The following RBMX variants were observed in gnomAD, a reference collection of about 807,000 sequenced individuals.
RBMX encodes RNA binding motif protein X-linked, also known as RNA-binding motif protein, X chromosome.
RBMX carries 1 observed loss-of-function variant against 29.3 expected under a neutral mutation model. The observed-to-expected ratio is 0.03, with a 90% confidence interval of 0.01 to 0.16. The LOEUF is 0.16. Among genes scored for constraint, RBMX ranks in the 10% least tolerant of loss-of-function variants. The pLI, the probability that RBMX is intolerant of heterozygous loss-of-function variation, is 1.00. For synonymous variants in RBMX, 102 were observed against 102.3 expected (o/e 1.00, Z 0.02); for missense variants, 121 against 333.2 (o/e 0.36, Z 4.96).
At chrX:136,871,236 G>A (rs2077682470), downstream of RBMX, among the ~76,000 whole-genome samples, 2 of 109,223 alleles carry the variant, frequency 1.8e-5, no homozygotes, top group African/African-American at 3.3e-5. Context: ...ACAAGGTCAG[G>A]AGATCGAGAC....
At position 136,876,447 on chromosome X, in the gene RBMX, C is replaced by T. The variant is rs935761670; in HGVS notation, c.541+56G>A. On this transcript the variant is annotated intron_variant, in intron 5 of 8. Transcript: ENST00000320676. ...AATTAAAATTTTAAGCATCATTCAC[C>T]TCTCAATTCTTTGTGTTACGGTAGT... 2.2e-5 allele frequency: 24 copies of T among 1,093,738 alleles called. No homozygotes were observed. In the East Asian group the frequency reaches 6.4e-4, roughly 29 times the overall value. The allele number at this position is 1,093,738 out of a possible 1,213,427, so 90.1% of individuals were successfully genotyped here.
At chrX:136,871,808 GGT>G (rs1481773070), downstream of RBMX, among the ~76,000 whole-genome samples, 4 of 89,024 alleles carry the variant, frequency 4.5e-5, no homozygotes, top group East Asian at 7.0e-4. Flanking sequence ...CACCACGCCC[GGT>G]GTTTTTTTTT....
chrX:136,878,021 A>C lies in RBMX; in HGVS notation c.282T>G (p.Arg94=). ...ATKPSFESGR[R]GPPPPPRSRG... Reference sequence around the variant, plus strand: ...TACTTCTTGGAGGTGGAGGCGGTCCACGTCTACCACTTTCAAATGATGGTT... The same window carrying C: ...TACTTCTTGGAGGTGGAGGCGGTCCCCGTCTACCACTTTCAAATGATGGTT... Residue 94 remains arginine, a synonymous_variant, in exon 4 of 9, where the codon CGT becomes CGG. Transcript: ENST00000320676. 1.7e-6 allele frequency: 2 copies of C among 1,209,534 alleles called. No individual in the cohort carries two copies. Among genetic ancestry groups the C allele is most frequent in the Non-Finnish European group, 2.2e-6 (2 of 894,180 alleles).
rs767630820 is a variant in RBMX at position 136,874,238 on chromosome X, TGGA to T, written c.1077_1079del (p.Pro360del). The T allele has an allele frequency of 9.9e-6, 12 of 1,212,433 alleles. No individual in the cohort carries two copies. The highest frequency in any genetic ancestry group is 5.9e-5 in the East Asian group (2 of 33,824). On this transcript the variant is annotated inframe_deletion, in exon 9 of 9. Coordinates refer to ENST00000320676, the MANE Select transcript of RBMX (RefSeq NM_002139.4). Reference sequence around the variant, plus strand: ...GGCTTGAACTGCTGTAGGAATCACGTGGAGGAGGGTACCCCCTTTCCATAGAAG... The same window carrying T: ...GGCTTGAACTGCTGTAGGAATCACGTGGAGGGTACCCCCTTTCCATAGAAG...
chrX:136,871,237 A>G (rs1009240369), downstream of RBMX, among the ~76,000 whole-genome samples: 3 of 109,461 alleles, frequency 2.7e-5, no homozygotes, highest in African/African-American at 1.0e-4. Flanking sequence ...CAAGGTCAGG[A>G]GATCGAGACC....
At position 136,876,597 on chromosome X, in the gene RBMX, T is replaced by A. The variant is rs189140023; in HGVS notation, c.447A>T (p.Val149=). ...NMSSSRGPLP[V]KRGPPPRSGG... ...CACTTCTTGGTGGTGGTCCTCTTTT[T>A]ACTGGGAGTGGTCCCCTGGAAGAAC... Residue 149 remains valine (V), a synonymous_variant, in exon 5 of 9, where the codon GTA becomes GTT. Transcript: ENST00000320676. 1 of 1,206,456 alleles carries A rather than the reference T, an allele frequency of 8.3e-7. No individual in the cohort carries two copies. The highest frequency in any genetic ancestry group is 1.1e-6 in the Non-Finnish European group (1 of 893,443).
chrX:136,873,602 T>C lies in RBMX; in HGVS notation c.*540A>G. The C allele has an allele frequency of 1.3e-6, 1 of 755,558 alleles. No homozygotes were observed. 62.3% of individuals were successfully genotyped at this position (755,558 alleles called of 1,213,427 possible). A position where few individuals can be genotyped will look rare whatever the true frequency, so the allele number is the denominator to read the frequency against. ...AAGGCAAAATGGCCAGCATTATCCA[T>C]TTGCTTTTTTGGGTTTACTGGGTGA... is the stretch of plus-strand genomic sequence containing the variant. On this transcript the variant is annotated 3_prime_UTR_variant, in exon 9 of 9. Transcript: ENST00000320676.
At chrX:136,877,333 C>A (rs1227820159) in intron 4 of RBMX, among the ~76,000 whole-genome samples, 4 of 80,062 alleles carry the variant, frequency 5.0e-5, no homozygotes, top group Non-Finnish European at 7.7e-5. Flanking sequence ...ACTCTACCCC[C>A]CCCCCCCCAA....
intron 4 of RBMX, among the ~76,000 whole-genome samples, 200 bp from the exon 5 acceptor site, chrX:136,876,855 G>C (rs765062664): frequency 4.8e-5 from 5 of 104,901 alleles, no homozygotes; most frequent in African/African-American, 1.7e-4. Context: ...TTACAGGTGT[G>C]CGCCACCACA....
At chrX:136,871,811 G>GTTTTTTT (rs750533072), downstream of RBMX, among the ~76,000 whole-genome samples, 2 of 74,940 alleles carry the variant, frequency 2.7e-5, no homozygotes, top group Non-Finnish European at 2.6e-5. Context: ...CACGCCCGGT[G>GTTTTTTT]TTTTTTTTTT....
chrX:136,879,597 CCACAGT>C, intron 1 of RBMX, 144 bp from the exon 2 acceptor site: 1 of 523,802 alleles, frequency 1.9e-6, no homozygotes, highest in East Asian at 3.7e-5. Flanking sequence ...TAAGCCTCAG[CCACAGT>C]AGGAAGCAAT....
intron 4 of RBMX, 66 bp downstream of exon 4, chrX:136,877,849 T>A: frequency 6.7e-6 from 7 of 1,037,734 alleles, no homozygotes; most frequent in Non-Finnish European, 8.9e-6. Context: ...AACCAAAGCA[T>A]CCACTTGGTG....
downstream of RBMX, chrX:136,869,917 G>A (rs1464011890): frequency 1.8e-5 from 2 of 111,951 alleles, no homozygotes; most frequent in Non-Finnish European, 3.8e-5. Context: ...ATTGTTTCCA[G>A]TGTGCTTGCC....
intron 5 of RBMX, among the ~76,000 whole-genome samples, 159 bp downstream of exon 5, chrX:136,876,344 G>A (rs1569440157): frequency 9.1e-6 from 1 of 110,006 alleles, no homozygotes; most frequent in Non-Finnish European, 1.9e-5. Context: ...GGATGGTCTT[G>A]ATCTCTTGAC....
rs2148710863 is a variant in RBMX at position 136,875,466 on chromosome X, A to G, written c.656+5T>C. On this transcript the variant is annotated splice_donor_5th_base_variant and intron_variant, in intron 6 of 8. Coordinates refer to ENST00000320676, the MANE Select transcript of RBMX (RefSeq NM_002139.4). ...TTAATTTAAAAAGCTGCACTTTTCT[A>G]TTACCTGTCTTTAGTAGAATACCCA... 8.3e-7 allele frequency: 1 copy of G among 1,209,805 alleles called. No individual in the cohort carries two copies. The highest frequency in any genetic ancestry group is 1.1e-6 in the Non-Finnish European group (1 of 894,893).
downstream of RBMX, among the ~76,000 whole-genome samples, chrX:136,870,844 C>T (rs929359369): frequency 9.3e-6 from 1 of 107,694 alleles, no homozygotes; most frequent in Admixed American, 1.0e-4. Context: ...CAGTGGCTCA[C>T]GTCTATAATC....
intron 1 of RBMX, among the ~76,000 whole-genome samples, chrX:136,879,688 C>T (rs2077778062): frequency 8.9e-6 from 1 of 111,949 alleles, no homozygotes; most frequent in South Asian, 3.7e-4. Context: ...TTTACCACTA[C>T]CCTTGATCAC....
intron 4 of RBMX, among the ~76,000 whole-genome samples, chrX:136,877,328 A>AACC (rs1556343940): frequency 4.3e-4 from 11 of 25,328 alleles, no homozygotes; most frequent in Admixed American, 6.8e-4. Flanking sequence ...GCTAAACTCT[A>AACC]CCCCCCCCCC....
downstream of RBMX, chrX:136,872,441 A>G (rs955319720): frequency 4.1e-6 from 3 of 731,728 alleles, no homozygotes; most frequent in Non-Finnish European, 4.1e-6. Context: ...AAGAAAAGGC[A>G]AGTTCAGACT....
Sources: allele counts gnomAD v4.1 joint callset (sites outside exome capture counted in the v4.1 genomes callset), GRCh38; gene constraint gnomAD v4.1.1; transcripts MANE v1.5; gene names NCBI Gene and HGNC (gene_info 2026-07-23, HGNC 2026-07-21).